Variants in MYT1L observed in about 807,000 individuals in gnomAD.
The protein encoded by MYT1L is myelin transcription factor 1-like protein.
A neutral mutation model predicts 126.7 loss-of-function variants in MYT1L; 12 were observed. The observed-to-expected ratio is 0.09, with a 90% CI of 0.06 to 0.15. MYT1L has a LOEUF of 0.15. Ranked by LOEUF, MYT1L falls within the 10% of genes least tolerant of loss-of-function variation. The pLI is 1.00. For missense variants in MYT1L, 979 were observed against 1,585.2 expected, an observed-to-expected ratio of 0.62 and a Z score of 6.49; for synonymous variants, 541 against 604.2, an observed-to-expected ratio of 0.90 and a Z score of 1.53.
At chr2:2,080,070 G>A (rs2075654828) in intron 3 of MYT1L, among the ~76,000 whole-genome samples, 1 of 152,068 alleles carries the variant, frequency 6.6e-6, no homozygotes, top group South Asian at 2.1e-4. Context: ...ATTTAATGGG[G>A]GAAATCAAGT....
chr2:2,074,336 G>A (rs1254493316), intron 3 of MYT1L, among the ~76,000 whole-genome samples: 2 of 152,164 alleles, frequency 1.3e-5, no homozygotes, highest in Non-Finnish European at 2.9e-5. Context: ...ACACTCTACT[G>A]AAGTTTTCTA....
chr2:2,011,716 A>T (rs1426390664), intron 4 of MYT1L, among the ~76,000 whole-genome samples: 3 of 152,224 alleles, frequency 2.0e-5, no homozygotes, highest in Non-Finnish European at 4.4e-5. Context: ...CTGGCAAAGG[A>T]TCTGAACAGA....
At chr2:1,915,409 C>T (rs563056057) in intron 11 of MYT1L, among the ~76,000 whole-genome samples, 3 of 152,218 alleles carry the variant, frequency 2.0e-5, no homozygotes, top group South Asian at 2.1e-4. Flanking sequence ...GCAGCCGGCG[C>T]GAAGGGCACC....
At chr2:1,902,980 G>A in intron 14 of MYT1L, 100 bp downstream of exon 14, 2 of 1,120,336 alleles carry the variant, frequency 1.8e-6, no homozygotes, top group Non-Finnish European at 2.7e-6. Flanking sequence ...CCCATTGAGT[G>A]ACCACCACCG....
At chr2:2,329,229 A>G (rs991518922) in intron 1 of MYT1L, among the ~76,000 whole-genome samples, 9 of 150,986 alleles carry the variant, frequency 6.0e-5, no homozygotes, top group Non-Finnish European at 8.9e-5. Flanking sequence ...AATGAGATTA[A>G]TCAGTGAATT....
intron 8 of MYT1L, among the ~76,000 whole-genome samples, chr2:1,956,233 CATCT>C (rs374034866): frequency 0.017 from 2,112 of 124,850 alleles, 53 homozygotes; most frequent in South Asian, 0.082. Context: ...ATCTGTCTAT[CATCT>C]ATCTATCCTA....
At chr2:1,890,453 A>G (rs2048718150) in intron 15 of MYT1L, among the ~76,000 whole-genome samples, 1 of 152,096 alleles carries the variant, frequency 6.6e-6, no homozygotes, top group Admixed American at 6.5e-5. Context: ...TACCTTTACT[A>G]CAGTGATTAC....
chr2:2,147,408 G>A (rs183161458), intron 3 of MYT1L, among the ~76,000 whole-genome samples: 21 of 152,326 alleles, frequency 1.4e-4, no homozygotes, highest in South Asian at 4.1e-4. Flanking sequence ...GGGCAGAGGC[G>A]TTCTGTTGGA....
intron 2 of MYT1L, among the ~76,000 whole-genome samples, chr2:2,211,777 C>G (rs1379562694): frequency 2.0e-5 from 3 of 148,046 alleles, no homozygotes; most frequent in Admixed American, 6.8e-5. Context: ...TGCACTCCAG[C>G]CTGGGGACAG....
intron 3 of MYT1L, among the ~76,000 whole-genome samples, chr2:2,143,627 C>T (rs564918416): frequency 6.6e-6 from 1 of 152,148 alleles, no homozygotes; most frequent in Admixed American, 6.5e-5. Context: ...AGAGGTGGGT[C>T]ATTTGGGAGG....
chr2:2,299,823 T>A (rs539748735), intron 1 of MYT1L, among the ~76,000 whole-genome samples: 2 of 152,282 alleles, frequency 1.3e-5, no homozygotes, highest in South Asian at 4.2e-4. Context: ...CATTACAAAC[T>A]TTTTCCATGT....
At chr2:1,907,264 GAAGT>G (rs2051209032) in intron 13 of MYT1L, among the ~76,000 whole-genome samples, 1 of 152,138 alleles carries the variant, frequency 6.6e-6, no homozygotes, top group South Asian at 2.1e-4. Context: ...AGGGATGTTT[GAAGT>G]AAGTTTTACA....
At chr2:1,954,522 G>A (rs899686085) in intron 8 of MYT1L, among the ~76,000 whole-genome samples, 7 of 152,096 alleles carry the variant, frequency 4.6e-5, no homozygotes, top group Non-Finnish European at 7.3e-5. Flanking sequence ...CAGCACAGAC[G>A]ATGGGCCTGC....
chr2:2,067,684 G>T (rs2074044477), intron 3 of MYT1L, among the ~76,000 whole-genome samples: 1 of 151,190 alleles, frequency 6.6e-6, no homozygotes, highest in South Asian at 2.1e-4. Flanking sequence ...GACTATAAAA[G>T]AAAAGATGAA....
At chr2:2,134,379 A>C (rs186486129) in intron 3 of MYT1L, among the ~76,000 whole-genome samples, 238 of 152,314 alleles carry the variant, frequency 1.6e-3, no homozygotes, top group Non-Finnish European at 2.7e-3. Context: ...ACTTTTACAG[A>C]TAGAAGCTGG....
chr2:1,994,989 C>A (rs2061715597), intron 5 of MYT1L, among the ~76,000 whole-genome samples: 1 of 152,078 alleles, frequency 6.6e-6, no homozygotes, highest in Non-Finnish European at 1.5e-5. Flanking sequence ...AATGTGGAAT[C>A]TGTGACATAT....
intron 3 of MYT1L, among the ~76,000 whole-genome samples, chr2:2,100,636 G>T (rs1234116675): frequency 6.6e-6 from 1 of 151,992 alleles, no homozygotes; most frequent in Non-Finnish European, 1.5e-5. Flanking sequence ...GTTTTGTTTT[G>T]TAGTGAAGTC....
chr2:2,295,284 G>A (rs1285904464), intron 1 of MYT1L, among the ~76,000 whole-genome samples: 2 of 152,168 alleles, frequency 1.3e-5, no homozygotes, highest in African/African-American at 4.8e-5. Flanking sequence ...ACACTGCATT[G>A]AAGCCAGGGA....
intron 2 of MYT1L, among the ~76,000 whole-genome samples, chr2:2,277,236 C>T (rs2095375009): frequency 1.3e-5 from 2 of 152,174 alleles, no homozygotes; most frequent in Non-Finnish European, 2.9e-5. Flanking sequence ...TCCCAAAGTG[C>T]TGGGATTACA....
Sources: gnomAD v4.1 joint callset for allele counts (sites outside exome capture counted in the v4.1 genomes callset) on GRCh38, gnomAD v4.1.1 for gene constraint, MANE v1.5 for transcripts, NCBI Gene and HGNC (gene_info 2026-07-23, HGNC 2026-07-21) for gene names.